Variants in EYS observed in about 807,000 individuals in gnomAD.
EYS encodes the protein protein eyes shut homolog.
In EYS, 250 loss-of-function variants were observed where a neutral mutation model predicts 282.1. That is an observed-to-expected ratio of 0.89 (90% CI 0.80 to 0.98). The LOEUF (loss-of-function observed/expected upper bound fraction) is 0.98. EYS is among the 50% of genes least tolerant of loss of function. The pLI is 0.00. For synonymous variants in EYS, 1,355 were observed against 1,282.9 expected, an observed-to-expected ratio of 1.06 and a Z score of -1.20; for missense variants, 4,016 against 3,709.0, an observed-to-expected ratio of 1.08 and a Z score of -2.15.
chr6:65,490,587 T>G lies in EYS; in HGVS notation c.862+7A>C. 1 of 1,539,764 alleles carries G rather than the reference T, an allele frequency of 6.5e-7. No individual in the cohort carries two copies. The highest frequency in any genetic ancestry group is 9.0e-7 in the Non-Finnish European group (1 of 1,112,960). ...TGTATATGGTTGTATACATATGCAT[T>G]TTTTACCTGAAAATTGCTCATCACA... On this transcript the variant is annotated splice_region_variant and intron_variant, in intron 5 of 42. Transcript: ENST00000503581.
At chr6:64,798,439 C>A (rs1421607290) in intron 22 of EYS, among the ~76,000 whole-genome samples, 2 of 151,688 alleles carry the variant, frequency 1.3e-5, no homozygotes, top group Non-Finnish European at 3.0e-5. Flanking sequence ...GCTTTTAATT[C>A]TTGAAATGTG....
At chr6:65,592,256 AT>A (rs1765258903) in intron 2 of EYS, among the ~76,000 whole-genome samples, 1 of 152,004 alleles carries the variant, frequency 6.6e-6, no homozygotes, top group South Asian at 2.1e-4. Flanking sequence ...AGGCAACTTA[AT>A]TTGATTGATT....
intron 5 of EYS, among the ~76,000 whole-genome samples, chr6:65,465,160 A>C (rs1764956498): frequency 6.6e-6 from 1 of 152,130 alleles, no homozygotes; most frequent in African/African-American, 2.4e-5. Context: ...GAGAGAAATA[A>C]ATGAGATAAA....
intron 22 of EYS, among the ~76,000 whole-genome samples, chr6:64,712,084 G>A (rs1488926279): frequency 1.3e-5 from 2 of 152,188 alleles, no homozygotes; most frequent in Non-Finnish European, 2.9e-5. Flanking sequence ...AGGCTTTAAG[G>A]TGCCTTCAGC....
At chr6:64,194,619 A>G (rs1765224595) in intron 31 of EYS, among the ~76,000 whole-genome samples, 1 of 152,160 alleles carries the variant, frequency 6.6e-6, no homozygotes, top group Non-Finnish European at 1.5e-5. Context: ...GTCAGAAAAC[A>G]TGATCTGTAT....
intron 28 of EYS, among the ~76,000 whole-genome samples, chr6:64,390,882 T>A (rs1429600482): frequency 7.0e-6 from 1 of 142,432 alleles, no homozygotes; most frequent in East Asian, 2.1e-4. Context: ...TTGAAAAAAA[T>A]TTAGAAGAAT....
chr6:65,146,166 G>GA (rs74805224), intron 12 of EYS, among the ~76,000 whole-genome samples: 17,532 of 151,370 alleles, frequency 0.12, 1,303 homozygotes, highest in African/African-American at 0.21. Flanking sequence ...AGTAACACTT[G>GA]AAAAAAATAC....
intron 2 of EYS, among the ~76,000 whole-genome samples, chr6:65,528,069 A>T (rs1416976089): frequency 1.3e-5 from 2 of 152,218 alleles, no homozygotes; most frequent in African/African-American, 4.8e-5. Context: ...GTGTTGAGAA[A>T]CTGTCCTTCT....
chr6:64,556,041 A>G (rs1192978034), intron 26 of EYS, among the ~76,000 whole-genome samples: 1 of 152,080 alleles, frequency 6.6e-6, no homozygotes, highest in Non-Finnish European at 1.5e-5. Flanking sequence ...TGCTAGTGAG[A>G]ATGCAATGGT....
intron 31 of EYS, among the ~76,000 whole-genome samples, chr6:64,123,172 C>G (rs1341886704): frequency 6.6e-6 from 1 of 152,136 alleles, no homozygotes; most frequent in Non-Finnish European, 1.5e-5. Flanking sequence ...TTATCCTGAA[C>G]AGTTAGGAGG....
chr6:64,332,402 A>T (rs780306719), intron 29 of EYS, among the ~76,000 whole-genome samples: 30 of 152,332 alleles, frequency 2.0e-4, no homozygotes, highest in Admixed American at 5.9e-4. Flanking sequence ...AGTCTCACAG[A>T]TGCAGTATAT....
chr6:64,360,662 T>G (rs1429367079), intron 29 of EYS, among the ~76,000 whole-genome samples: 1 of 151,774 alleles, frequency 6.6e-6, no homozygotes, highest in East Asian at 1.9e-4. Context: ...AAAAATTTGT[T>G]TCTCTCTTAA....
At chr6:64,860,977 G>A (rs1442690569) in intron 19 of EYS, among the ~76,000 whole-genome samples, 3 of 152,144 alleles carry the variant, frequency 2.0e-5, no homozygotes, top group African/African-American at 7.2e-5. Flanking sequence ...GGTGGCTATG[G>A]GCAGGCCCAG....
At chr6:64,562,811 T>C (rs1765441577) in intron 26 of EYS, among the ~76,000 whole-genome samples, 1 of 151,982 alleles carries the variant, frequency 6.6e-6, no homozygotes, top group African/African-American at 2.4e-5. Context: ...TCACATTCTT[T>C]CATTTAAAAC....
At position 64,553,500 on chromosome 6, in the gene EYS, A is replaced by G. The variant is rs6902869; in HGVS notation, c.5644+36723T>C. ...AATTACTAGTGAAAAGCTTCCTTTA[A>G]CAGTTTTAGAAATGAAAATCAAGAA... On this transcript the variant is annotated intron_variant, in intron 26 of 42. Coordinates refer to ENST00000503581, the MANE Select transcript of EYS (RefSeq NM_001142800.2). Among the ~76,000 whole-genome samples, 383 of 145,588 alleles carry G rather than the reference A, an allele frequency of 2.6e-3. 4 individuals are homozygous for G. The highest frequency in any genetic ancestry group is 9.1e-3 in the African/African-American group (364 of 39,948).
chr6:64,356,833 T>C (rs1313139700), intron 29 of EYS, among the ~76,000 whole-genome samples: 6 of 151,634 alleles, frequency 4.0e-5, no homozygotes, highest in Non-Finnish European at 8.9e-5. Context: ...CCTTTTTTTC[T>C]TTCCTATTGT....
chr6:65,168,836 AT>A (rs1204092735), intron 12 of EYS, among the ~76,000 whole-genome samples: 1 of 151,316 alleles, frequency 6.6e-6, no homozygotes, highest in Admixed American at 6.6e-5. Flanking sequence ...CTCTTCCTCA[AT>A]TTTTTAAAGC....
intron 26 of EYS, among the ~76,000 whole-genome samples, chr6:64,463,903 AAAG>A (rs1026182815): frequency 1.3e-5 from 2 of 152,186 alleles, no homozygotes; most frequent in African/African-American, 4.8e-5. Context: ...CCAAAATATT[AAAG>A]AGGAGGGAAT....
intron 22 of EYS, among the ~76,000 whole-genome samples, chr6:64,727,284 G>A (rs993586307): frequency 3.8e-4 from 57 of 151,094 alleles, no homozygotes; most frequent in Middle Eastern, 3.4e-3. Flanking sequence ...GCGTAATTAT[G>A]CTTTTTTTCA....
Sources: gnomAD v4.1 joint callset for allele counts (sites outside exome capture counted in the v4.1 genomes callset) on GRCh38, gnomAD v4.1.1 for gene constraint, MANE v1.5 for transcripts, NCBI Gene and HGNC (gene_info 2026-07-23, HGNC 2026-07-21) for gene names.